Variants in SLC43A2 observed in about 807,000 individuals in gnomAD.
SLC43A2 encodes the protein large neutral amino acids transporter small subunit 4.
Under a neutral mutation model 63.2 loss-of-function variants are expected in SLC43A2, and 38 were observed. The ratio of observed to expected loss-of-function variants is 0.60; its 90% CI spans 0.46 to 0.79. The LOEUF (loss-of-function observed/expected upper bound fraction) is 0.79. Among genes scored for constraint, SLC43A2 ranks in the 30% least tolerant of loss-of-function variants. The pLI, the probability that SLC43A2 is intolerant of heterozygous loss-of-function variation, is 0.00. For missense variants in SLC43A2, 644 were observed against 756.2 expected (o/e 0.85, Z 1.74); for synonymous variants, 322 against 331.0 (o/e 0.97, Z 0.30).
upstream of SLC43A2, chr17:1,628,876 A>G (rs1908944011): frequency 6.6e-6 from 1 of 152,088 alleles, no homozygotes; most frequent in Non-Finnish European, 1.5e-5. Context: ...GACCCCAAGA[A>G]GAAAACACTG....
At chr17:1,622,551 C>A (rs1343341440) in intron 2 of SLC43A2, among the ~76,000 whole-genome samples, 3 of 137,474 alleles carry the variant, frequency 2.2e-5, no homozygotes, top group Non-Finnish European at 4.7e-5. Flanking sequence ...GGCGACAGAG[C>A]AAGACTCTGT....
rs748564128 is a variant in SLC43A2 at position 1,591,388 on chromosome 17, C to G, written c.812G>C (p.Arg271Pro). 1.9e-6 allele frequency: 3 copies of G among 1,612,566 alleles called. No homozygotes were observed. Among genetic ancestry groups the G allele is most frequent in the Non-Finnish European group, 2.5e-6 (3 of 1,179,976 alleles). ...QFYKQVTTVG[R>P]RLSVGSSMRS... The stretch of plus-strand genomic sequence containing the variant: ...CATGGAGCTGCCCACACTCAGGCGC[C>G]GGCCCACCGTGGTCACCTGCTTGTA... Residue 271 changes from arginine (R) to proline (P), a missense_variant, in exon 8 of 14, where the codon CGG becomes CCG. Arg to Pro is a moderately radical substitution (Grantham distance 103). Transcript: ENST00000301335.
intron 9 of SLC43A2, 118 bp from the exon 10 acceptor site, chr17:1,586,169 C>G (rs2076099026): frequency 3.5e-6 from 5 of 1,413,728 alleles, no homozygotes; most frequent in Non-Finnish European, 4.6e-6. Flanking sequence ...GCCCCAGAAC[C>G]CCCTGTCACT....
chr17:1,613,732 C>T (rs1420344036), intron 4 of SLC43A2, among the ~76,000 whole-genome samples: 3 of 152,190 alleles, frequency 2.0e-5, no homozygotes, highest in Admixed American at 2.0e-4. Context: ...CCACCATGCC[C>T]AGCCTCCTCT....
rs906910321 is a variant in SLC43A2 at position 1,590,672 on chromosome 17, G to A, written c.1078+130C>T. On this transcript the variant is annotated intron_variant, in intron 9 of 13. Transcript: ENST00000301335. ...AGTGATGCAATAGCTCTGACGGGCA[G>A]ACAGCTCCTGGGATGCGGCCTTTCC... 5 of 1,200,218 alleles carry A rather than the reference G, an allele frequency of 4.2e-6. No individual in the cohort carries two copies. The Admixed American group carries it at 1.1e-4, about 27-fold the overall frequency. 74.3% of individuals were successfully genotyped at this position (1,200,218 alleles called of 1,614,324 possible).
rs549288240 is a variant in SLC43A2, at chr17:1,597,575, G to C, written c.502-4296C>G. 4.0e-5 allele frequency among the ~76,000 whole-genome samples: 6 copies of C among 151,266 alleles called. No individual in the cohort carries two copies. In the East Asian group the frequency reaches 1.2e-3, roughly 30 times the overall value. ...AGCACTTTGGGAGGCCAAGGTGGGC[G>C]GATCACCTGAGGTCAGGAGTTCGAG... On this transcript the variant is annotated intron_variant, in intron 5 of 13. Coordinates refer to ENST00000301335, the MANE Select transcript of SLC43A2 (RefSeq NM_152346.3).
In SLC43A2 at chr17:1,591,407, G is replaced by T; in HGVS notation, c.793C>A (p.Gln265Lys). 1 of 1,613,150 alleles carries T rather than the reference G, an allele frequency of 6.2e-7. No homozygotes were observed. The highest frequency in any genetic ancestry group is 2.2e-5 in the East Asian group (1 of 44,852). ...AGGCGCCGGCCCACCGTGGTCACCTGCTTGTAGAACTGCTTCCCTGTGATC... is the reference window on the plus strand; with the variant it reads ...AGGCGCCGGCCCACCGTGGTCACCTTCTTGTAGAACTGCTTCCCTGTGATC... The part of the protein sequence containing the change: ...HKITGKQFYK[Q>K]VTTVGRRLSV... The change falls in exon 8 of 14, where the codon CAG (glutamine) becomes AAG (lysine). Residue 265 changes from glutamine to lysine, a missense_variant. This residue lies in a region of SLC43A2 where 528 missense variants were observed against 623.6 expected (regional missense o/e 0.85). Coordinates refer to ENST00000301335, the MANE Select transcript of SLC43A2 (RefSeq NM_152346.3).
intron 5 of SLC43A2, among the ~76,000 whole-genome samples, chr17:1,600,150 A>ATATATC (rs1567630836): frequency 1.3e-5 from 1 of 77,538 alleles, no homozygotes; most frequent in Non-Finnish European, 2.4e-5. Flanking sequence ...ATATATATAT[A>ATATATC]TATTTTTTTT....
At chr17:1,584,773 T>C (rs909429170) in intron 10 of SLC43A2, among the ~76,000 whole-genome samples, 2 of 148,640 alleles carry the variant, frequency 1.3e-5, no homozygotes, top group Non-Finnish European at 1.5e-5. Context: ...TGAGCCGAGA[T>C]AGAGCCACTG....
Position 1,575,564 on chromosome 17 carries a change from G to T in SLC43A2, c.*40C>A. 6.2e-7 allele frequency: 1 copy of T among 1,613,724 alleles called. No individual in the cohort carries two copies. The highest frequency in any genetic ancestry group is 8.5e-7 in the Non-Finnish European group (1 of 1,179,744). On this transcript the variant is annotated 3_prime_UTR_variant, in exon 14 of 14. Coordinates refer to ENST00000301335, the MANE Select transcript of SLC43A2 (RefSeq NM_152346.3). ...AGGGGCAGGACAGGGGTCAGTCACT[G>T]AAGCACAGGCAGGAGACCGCAGTTC...
intron 5 of SLC43A2, among the ~76,000 whole-genome samples, chr17:1,612,864 C>T (rs781703833): frequency 6.6e-5 from 10 of 152,010 alleles, no homozygotes; most frequent in African/African-American, 1.7e-4. Flanking sequence ...CCCAGCTACT[C>T]GGGAGGCTGA....
At position 1,593,331 on chromosome 17, in the gene SLC43A2, G is replaced by GGGA; in HGVS notation, c.502-55_502-53dup. 6.5e-7 allele frequency: 1 copy of GGGA among 1,527,364 alleles called. No individual in the cohort carries two copies. The highest frequency in any genetic ancestry group is 9.0e-7 in the Non-Finnish European group (1 of 1,109,408). 94.6% of individuals were successfully genotyped at this position (1,527,364 alleles called of 1,614,324 possible). On this transcript the variant is annotated intron_variant, in intron 5 of 13. Transcript: ENST00000301335. This position sits in a 1 kb window ranked among gnomAD's most constrained non-coding sequence, Gnocchi z 5.3. ...CAGTGGGGAGGATGCACCAGGGAAG[G>GGGA]GGAGGAGGAGGGGACAGAGAACTAG... is the stretch of plus-strand genomic sequence containing the variant.
chr17:1,608,609 G>T (rs1381616226), intron 5 of SLC43A2, among the ~76,000 whole-genome samples: 1 of 152,064 alleles, frequency 6.6e-6, no homozygotes, highest in Non-Finnish European at 1.5e-5. Flanking sequence ...GGCCAGGCTG[G>T]TCTTGAACTC....
chr17:1,597,276 G>A (rs1485146658), intron 5 of SLC43A2, among the ~76,000 whole-genome samples: 3 of 151,860 alleles, frequency 2.0e-5, no homozygotes, highest in Non-Finnish European at 4.4e-5. Flanking sequence ...AGGCCGAGGT[G>A]GGCAGATCAC....
Position 1,570,884 on chromosome 17 carries a change from A to C in SLC43A2, c.*4720T>G. On this transcript the variant is annotated 3_prime_UTR_variant, in exon 14 of 14. Transcript: ENST00000301335. ...GCAGGCATTCTTTCCTCCCTTTTGC[A>C]GATGATGGCACCAAAGTTCAAGACT... is the stretch of plus-strand genomic sequence containing the variant. 1 of 152,290 alleles carries C rather than the reference A, an allele frequency of 6.6e-6. No homozygotes were observed. Among genetic ancestry groups the C allele is most frequent in the East Asian group, 1.9e-4 (1 of 5,190 alleles). The allele number at this position is 152,290 out of a possible 1,614,324, so 9.4% of individuals were successfully genotyped here. A position where few individuals can be genotyped will look rare whatever the true frequency, so the allele number is the denominator to read the frequency against.
Position 1,576,666 on chromosome 17 carries a change from C to T in SLC43A2, c.1479G>A (p.Ala493=), listed in dbSNP as rs773629653. The change falls in exon 13 of 14, where the codon GCG becomes GCA. Residue 493 remains alanine (A), a synonymous_variant. Coordinates refer to ENST00000301335, the MANE Select transcript of SLC43A2 (RefSeq NM_152346.3). ...SLTGLQSLIS[A]LFALLQQPLF... ...GCGGCTGCTGCAGAAGGGCGAAGAG[C>T]GCGCTGATCAGAGACTGCAGTCCCG... 19 of 1,610,890 alleles carry T rather than the reference C, an allele frequency of 1.2e-5. No homozygotes were observed. Among genetic ancestry groups the T allele is most frequent in the East Asian group, 1.1e-4 (5 of 44,892 alleles).
intron 5 of SLC43A2, among the ~76,000 whole-genome samples, chr17:1,594,674 G>A (rs1404533144): frequency 1.8e-4 from 25 of 142,218 alleles, no homozygotes; most frequent in Admixed American, 1.1e-3. Context: ...TGCAAGCTCC[G>A]CCTCCCAGGT....
chr17:1,613,561 T>C (rs1907321694), intron 4 of SLC43A2, among the ~76,000 whole-genome samples: 1 of 152,202 alleles, frequency 6.6e-6, no homozygotes, highest in Admixed American at 6.5e-5. Flanking sequence ...CAAGTGATCC[T>C]CCTGCCTCAG....
At chr17:1,591,846 C>A (rs966220615) in intron 6 of SLC43A2, 147 bp from the exon 7 acceptor site, 6 of 659,840 alleles carry the variant, frequency 9.1e-6, no homozygotes, top group Non-Finnish European at 1.6e-5. Context: ...CCAGCCTGGG[C>A]GTTGGGGCAT....
Sources: allele counts gnomAD v4.1 joint callset (sites outside exome capture counted in the v4.1 genomes callset), GRCh38; gene constraint gnomAD v4.1.1; regional missense constraint gnomAD v4.1.1; non-coding constraint Gnocchi (gnomAD v3.1); transcripts MANE v1.5; gene names NCBI Gene and HGNC (gene_info 2026-07-23, HGNC 2026-07-21).